Variants in PTPN13 observed in about 807,000 individuals in gnomAD.
The protein encoded by PTPN13 is protein tyrosine phosphatase non-receptor type 13.
PTPN13 carries 191 observed loss-of-function variants against 284.0 expected under a neutral mutation model. That is an observed-to-expected ratio of 0.67 (90% CI 0.60 to 0.76). The LOEUF (loss-of-function observed/expected upper bound fraction) is 0.76, where lower values mean the gene tolerates loss of function less well. Ranked by LOEUF, PTPN13 falls within the 30% of genes least tolerant of loss-of-function variation. The pLI, the probability that PTPN13 is intolerant of heterozygous loss-of-function variation, is 0.00. For synonymous variants in PTPN13, 986 were observed against 1,022.3 expected, an observed-to-expected ratio of 0.96 and a Z score of 0.68; for missense variants, 2,797 against 2,939.9, an observed-to-expected ratio of 0.95 and a Z score of 1.12.
At chr4:86,800,352 T>C (rs544095882) in intron 42 of PTPN13, among the ~76,000 whole-genome samples, 2 of 152,032 alleles carry the variant, frequency 1.3e-5, no homozygotes, top group Admixed American at 6.6e-5. Context: ...TTTTTTTTTT[T>C]TTTAAGAAAT....
intron 1 of PTPN13, among the ~76,000 whole-genome samples, chr4:86,630,242 TCTGA>T (rs1163755153): frequency 5.3e-5 from 8 of 152,288 alleles, no homozygotes; most frequent in Admixed American, 5.2e-4. Context: ...ATTTCTTGTA[TCTGA>T]CTGACAGAAA....
intron 1 of PTPN13, among the ~76,000 whole-genome samples, chr4:86,597,716 G>A (rs1333539412): frequency 6.6e-6 from 1 of 152,226 alleles, no homozygotes; most frequent in African/African-American, 2.4e-5. Context: ...AAGAATGTGT[G>A]ACTGTCACTA....
intron 1 of PTPN13, among the ~76,000 whole-genome samples, chr4:86,629,618 T>C (rs1456024409): frequency 6.6e-6 from 1 of 152,206 alleles, no homozygotes; most frequent in Non-Finnish European, 1.5e-5. Context: ...TGTTTTCATA[T>C]CTACAAAAAC....
chr4:86,798,441 A>G (rs994803524), intron 41 of PTPN13, among the ~76,000 whole-genome samples: 5 of 152,160 alleles, frequency 3.3e-5, no homozygotes, highest in Admixed American at 2.6e-4. Context: ...AGATGAAAGT[A>G]CTCTGCTTTG....
Position 86,678,548 on chromosome 4 carries a change from T to G in PTPN13, c.294+6005T>G, listed in dbSNP as rs377415768. On this transcript the variant is annotated intron_variant, in intron 3 of 47. Coordinates refer to ENST00000411767, the MANE Select transcript of PTPN13 (RefSeq NM_080683.3). Reference sequence around the variant, plus strand: ...CATGCTCTTGACTTTTATGTAAAGCTACTTATTAGATATCTTCACTGGAAT... The same window carrying G: ...CATGCTCTTGACTTTTATGTAAAGCGACTTATTAGATATCTTCACTGGAAT... Among the ~76,000 whole-genome samples the G allele has an allele frequency of 3.3e-5, 5 of 152,362 alleles. No homozygotes were observed. The East Asian group carries it at 9.6e-4, about 29-fold the overall frequency.
At chr4:86,708,365 A>G (rs182051313) in intron 7 of PTPN13, among the ~76,000 whole-genome samples, 1 of 151,622 alleles carries the variant, frequency 6.6e-6, no homozygotes, top group African/African-American at 2.4e-5. Flanking sequence ...GAGAATGTAT[A>G]TTTACTTCTC....
At chr4:86,688,274 G>A (rs1451994385) in intron 4 of PTPN13, among the ~76,000 whole-genome samples, 1 of 152,140 alleles carries the variant, frequency 6.6e-6, no homozygotes, top group African/African-American at 2.4e-5. Flanking sequence ...ACTCCCGTCA[G>A]CTTGGATGTG....
Position 86,734,742 on chromosome 4 carries a change from C to A in PTPN13, c.2018C>A (p.Thr673Asn), listed in dbSNP as rs894691247. Residue 673 changes from threonine (T) to asparagine (N), a missense_variant, in exon 14 of 48, where the codon ACT (threonine) becomes AAT (asparagine). Physicochemically the swap from Thr to Asn is moderately conservative, Grantham distance 65 (BLOSUM62 0). Coordinates refer to ENST00000411767, the MANE Select transcript of PTPN13 (RefSeq NM_080683.3). Reference protein sequence around the residue: ...FMDDVSLIQHTLTCHQYYLQL... With the variant: ...FMDDVSLIQHNLTCHQYYLQL... ...GTGTGTGTTTGTTTTTTCAGACATA[C>A]TCTGACGTGTCATCAGTATTACCTT... 1.9e-6 allele frequency: 3 copies of A among 1,610,168 alleles called. No homozygotes were observed. In the African/African-American group the frequency reaches 4.0e-5, roughly 22 times the overall value.
intron 1 of PTPN13, among the ~76,000 whole-genome samples, chr4:86,597,530 A>G (rs1763923714): frequency 6.6e-6 from 1 of 152,246 alleles, no homozygotes; most frequent in Non-Finnish European, 1.5e-5. Flanking sequence ...TGAAAGTTTC[A>G]TACTAGCTGT....
intron 7 of PTPN13, among the ~76,000 whole-genome samples, chr4:86,706,431 G>A (rs1731773269): frequency 6.6e-6 from 1 of 152,164 alleles, no homozygotes; most frequent in African/African-American, 2.4e-5. Context: ...AGTGAAACAA[G>A]ATAGTATTAG....
intron 10 of PTPN13, among the ~76,000 whole-genome samples, chr4:86,728,668 T>TTTTTTTTTTTTTTTTTTTC (rs1734590378): frequency 8.6e-6 from 1 of 115,734 alleles, no homozygotes; most frequent in Non-Finnish European, 1.9e-5. Context: ...TTTTTTTTTT[T>TTTTTTTTTTTTTTTTTTTC]TTTTTTTTTG....
At chr4:86,731,365 A>G (rs1349784455) in intron 10 of PTPN13, among the ~76,000 whole-genome samples, 1 of 152,174 alleles carries the variant, frequency 6.6e-6, no homozygotes, top group Non-Finnish European at 1.5e-5. Context: ...GAATATACAA[A>G]AGGAGAAAAG....
chr4:86,691,030 T>G (rs764309121), intron 5 of PTPN13, among the ~76,000 whole-genome samples: 35 of 151,948 alleles, frequency 2.3e-4, no homozygotes, highest in Non-Finnish European at 4.6e-4. Flanking sequence ...CTATGAGAGT[T>G]TAAAGGAAAA....
intron 17 of PTPN13, among the ~76,000 whole-genome samples, chr4:86,746,453 C>T (rs1453900259): frequency 6.6e-6 from 1 of 152,080 alleles, no homozygotes; most frequent in African/African-American, 2.4e-5. Context: ...CAGACTGGGG[C>T]GATGGCAACC....
In PTPN13 at chr4:86,803,812, C is replaced by A. The variant is rs61757795; in HGVS notation, c.6609C>A (p.Val2203=). ...CCAACTTAAAATCAGTCATTCGAGTCCTGCGGGGTTTGCTAGATCAAGGAA... is the reference window on the plus strand; with the variant it reads ...CCAACTTAAAATCAGTCATTCGAGTACTGCGGGGTTTGCTAGATCAAGGAA... ...TGANLKSVIR[V]LRGLLDQGIP... is the part of the protein sequence containing the mutation. Residue 2203 remains valine (V), a synonymous_variant, in exon 43 of 48, where the codon GTC becomes GTA. Coordinates refer to ENST00000411767, the MANE Select transcript of PTPN13 (RefSeq NM_080683.3). The A allele has an allele frequency of 1.2e-6, 2 of 1,613,702 alleles. No homozygotes were observed. The highest frequency in any genetic ancestry group is 1.7e-5 in the Admixed American group (1 of 59,992).
At chr4:86,723,096 A>G (rs1733854671) in intron 10 of PTPN13, among the ~76,000 whole-genome samples, 1 of 152,216 alleles carries the variant, frequency 6.6e-6, no homozygotes, top group African/African-American at 2.4e-5. Flanking sequence ...TCTCATGTAA[A>G]ATATCTTAAA....
At chr4:86,638,483 A>T (rs1259325442) in intron 2 of PTPN13, among the ~76,000 whole-genome samples, 2 of 152,168 alleles carry the variant, frequency 1.3e-5, no homozygotes, top group Admixed American at 6.5e-5. Flanking sequence ...CAACAGAGAT[A>T]TAGATGAATG....
At chr4:86,661,084 C>A in intron 2 of PTPN13, 1 of 453,600 alleles carries the variant, frequency 2.2e-6, no homozygotes, top group Non-Finnish European at 4.4e-6. Flanking sequence ...TGCACTCATA[C>A]AATTACCACC....
chr4:86,747,563 C>T (rs2149194763), intron 17 of PTPN13, among the ~76,000 whole-genome samples: 1 of 150,798 alleles, frequency 6.6e-6, no homozygotes, highest in African/African-American at 2.5e-5. Flanking sequence ...GCAGCAGCAG[C>T]AGCAGCAGCA....
Sources: allele counts gnomAD v4.1 joint callset (sites outside exome capture counted in the v4.1 genomes callset), GRCh38; gene constraint gnomAD v4.1.1; transcripts MANE v1.5; gene names NCBI Gene and HGNC (gene_info 2026-07-23, HGNC 2026-07-21).